Variants in GRID2 observed in about 807,000 individuals in gnomAD.
The protein encoded by GRID2 is glutamate receptor ionotropic, delta-2.
GRID2 carries 33 observed loss-of-function variants against 114.8 expected under a neutral mutation model. The ratio of observed to expected loss-of-function variants is 0.29; its 90% CI spans 0.22 to 0.38. GRID2 has a LOEUF of 0.38. Ranked by LOEUF, GRID2 falls within the 10% of genes least tolerant of loss-of-function variation. The probability of loss-of-function intolerance (pLI) is 1.00; values close to 1 mark genes in which losing one functional copy is unlikely to be tolerated. For missense variants in GRID2, 1,184 were observed against 1,257.7 expected, an observed-to-expected ratio of 0.94 and a Z score of 0.89; for synonymous variants, 505 against 449.9, an observed-to-expected ratio of 1.12 and a Z score of -1.55.
At chr4:92,499,485 T>C (rs1334197637) in intron 1 of GRID2, among the ~76,000 whole-genome samples, 1 of 152,224 alleles carries the variant, frequency 6.6e-6, no homozygotes, top group Admixed American at 6.5e-5. Flanking sequence ...TTTTACTTTA[T>C]AGACTGGCTC....
At chr4:92,550,859 G>T (rs1347918275) in intron 1 of GRID2, among the ~76,000 whole-genome samples, 1 of 152,142 alleles carries the variant, frequency 6.6e-6, no homozygotes, top group East Asian at 1.9e-4. Flanking sequence ...GATATAAAAA[G>T]TGTAAGAACA....
intron 1 of GRID2, among the ~76,000 whole-genome samples, chr4:92,588,592 TG>T (rs1728563976): frequency 7.5e-6 from 1 of 133,212 alleles, no homozygotes; most frequent in South Asian, 2.3e-4. Flanking sequence ...GGCAGGAGAA[TG>T]GGGTGAACCC....
chr4:92,860,357 AT>A (rs898717089), intron 2 of GRID2, among the ~76,000 whole-genome samples: 9 of 152,138 alleles, frequency 5.9e-5, no homozygotes, highest in African/African-American at 2.2e-4. Flanking sequence ...TATGTATAGA[AT>A]TTTAAAAGCG....
intron 14 of GRID2, among the ~76,000 whole-genome samples, chr4:93,715,555 A>G (rs969578731): frequency 2.6e-5 from 4 of 152,146 alleles, no homozygotes; most frequent in Non-Finnish European, 4.4e-5. Context: ...GATTCTTCCT[A>G]TCCATAAGCA....
intron 1 of GRID2, among the ~76,000 whole-genome samples, chr4:92,484,435 A>G (rs138790577): frequency 2.7e-4 from 41 of 152,264 alleles, no homozygotes; most frequent in African/African-American, 9.6e-4. Flanking sequence ...GAAATAAAAT[A>G]TTATAGGAAT....
chr4:93,092,191 C>G (rs1730849892), intron 3 of GRID2, among the ~76,000 whole-genome samples: 1 of 152,072 alleles, frequency 6.6e-6, no homozygotes, highest in South Asian at 2.1e-4. Flanking sequence ...GGAAGATACG[C>G]TGAGTTCCTT....
chr4:93,438,562 G>GA (rs988488852), intron 10 of GRID2, among the ~76,000 whole-genome samples: 3 of 151,786 alleles, frequency 2.0e-5, no homozygotes, highest in Non-Finnish European at 4.4e-5. Flanking sequence ...GTGAGGAAGA[G>GA]AAAAAAACAA....
At chr4:92,926,166 AT>A (rs34882578) in intron 2 of GRID2, among the ~76,000 whole-genome samples, 3 of 151,690 alleles carry the variant, frequency 2.0e-5, no homozygotes, top group African/African-American at 7.3e-5. Context: ...CCCCTCAGGT[AT>A]TTTGGTCCAA....
At chr4:93,250,434 T>G (rs756569801) in intron 8 of GRID2, among the ~76,000 whole-genome samples, 41 of 151,868 alleles carry the variant, frequency 2.7e-4, no homozygotes, top group Non-Finnish European at 1.2e-4. Flanking sequence ...CCGTGGCATG[T>G]GTATACCTAT....
intron 8 of GRID2, among the ~76,000 whole-genome samples, chr4:93,352,223 A>C (rs1348927400): frequency 3.3e-5 from 5 of 152,052 alleles, no homozygotes; most frequent in African/African-American, 1.2e-4. Flanking sequence ...ATCAAGGTTC[A>C]TTGTTGTGAA....
intron 8 of GRID2, among the ~76,000 whole-genome samples, chr4:93,329,135 T>G (rs1229662523): frequency 6.6e-6 from 1 of 152,094 alleles, no homozygotes; most frequent in African/African-American, 2.4e-5. Context: ...ATGAGTTAGT[T>G]GAAACTAGAA....
intron 4 of GRID2, among the ~76,000 whole-genome samples, chr4:93,156,845 T>C (rs1307573818): frequency 6.6e-6 from 1 of 151,666 alleles, no homozygotes; most frequent in African/African-American, 2.4e-5. Flanking sequence ...GGACTAACTG[T>C]GGACAAGATG....
chr4:92,385,541 G>C (rs1729907480), intron 1 of GRID2, among the ~76,000 whole-genome samples: 2 of 151,322 alleles, frequency 1.3e-5, no homozygotes, highest in Non-Finnish European at 3.0e-5. Flanking sequence ...GTCAAGATGT[G>C]CTATCTTTAG....
chr4:93,450,749 G>A (rs1175029519), intron 10 of GRID2, among the ~76,000 whole-genome samples: 1 of 151,512 alleles, frequency 6.6e-6, no homozygotes, highest in Non-Finnish European at 1.5e-5. Flanking sequence ...TCCAGTTTTA[G>A]TGCTAGTCCT....
intron 2 of GRID2, among the ~76,000 whole-genome samples, chr4:92,836,086 T>G (rs763868258): frequency 6.6e-6 from 1 of 152,172 alleles, no homozygotes. Flanking sequence ...GTAAATAGCT[T>G]TTTTTGGAAC....
intron 8 of GRID2, among the ~76,000 whole-genome samples, chr4:93,322,400 T>G (rs2149211373): frequency 6.6e-6 from 1 of 152,330 alleles, no homozygotes; most frequent in South Asian, 2.1e-4. Flanking sequence ...GGCTGCATAG[T>G]ATTCCATGGT....
intron 8 of GRID2, among the ~76,000 whole-genome samples, chr4:93,382,875 CTCCTAGGTTTTCCTAGGAGAAATT>C (rs138958193): frequency 0.22 from 33,184 of 151,602 alleles, 5,450 homozygotes; most frequent in African/African-American, 0.46. Flanking sequence ...GTACTTATTT[CTCCTAGGTTTTCCTAGGAGAAATT>C]TCCTAGGTTT....
chr4:93,335,271 A>G (rs1170566013), intron 8 of GRID2, among the ~76,000 whole-genome samples: 1 of 152,192 alleles, frequency 6.6e-6, no homozygotes, highest in Non-Finnish European at 1.5e-5. Flanking sequence ...CAATGATCTA[A>G]TAACAGGAAG....
intron 2 of GRID2, among the ~76,000 whole-genome samples, chr4:92,910,018 C>A (rs918057432): frequency 2.0e-5 from 3 of 151,602 alleles, no homozygotes; most frequent in Admixed American, 2.0e-4. Context: ...CAGGAGTTAA[C>A]CAAAAGAGAG....
Sources: gnomAD v4.1 joint callset for allele counts (sites outside exome capture counted in the v4.1 genomes callset) on GRCh38, gnomAD v4.1.1 for gene constraint, MANE v1.5 for transcripts, NCBI Gene and HGNC (gene_info 2026-07-23, HGNC 2026-07-21) for gene names.